Variants in TET1 observed in about 807,000 individuals in gnomAD.
TET1 encodes methylcytosine dioxygenase TET1.
Under a neutral mutation model 148.7 loss-of-function variants are expected in TET1, and 13 were observed. That is an observed-to-expected ratio of 0.09 (90% CI 0.06 to 0.14). The LOEUF (loss-of-function observed/expected upper bound fraction) is 0.14, where lower values mean the gene tolerates loss of function less well. Among genes scored for constraint, TET1 ranks in the 10% least tolerant of loss-of-function variants. The pLI is 1.00. For synonymous variants in TET1, 907 were observed against 937.2 expected (o/e 0.97, Z 0.59); for missense variants, 2,182 against 2,553.8 (o/e 0.85, Z 3.14).
At chr10:68,566,450 T>C (rs908174431) in intron 1 of TET1, among the ~76,000 whole-genome samples, 5 of 152,174 alleles carry the variant, frequency 3.3e-5, no homozygotes, top group African/African-American at 1.2e-4. Flanking sequence ...ATCTTTCAGT[T>C]TCTCACAGCC....
In TET1 at chr10:68,690,992, G is replaced by A; in HGVS notation, c.5589G>A (p.Lys1863=). Residue 1863 remains lysine, a synonymous_variant, in exon 12 of 12, where the codon AAG becomes AAA. Transcript: ENST00000373644. ...KTASATPAPL[K]NDATASCGFS... ...CTTCAGCCACACCAGCTCCACTGAAGAATGACGCAACAGCCTCATGCGGGT... is the reference window on the plus strand; with the variant it reads ...CTTCAGCCACACCAGCTCCACTGAAAAATGACGCAACAGCCTCATGCGGGT... 6.2e-7 allele frequency: 1 copy of A among 1,614,202 alleles called. No homozygotes were observed. The highest frequency in any genetic ancestry group is 2.2e-5 in the East Asian group (1 of 44,882).
chr10:68,597,179 G>T (rs2053999354), intron 2 of TET1, among the ~76,000 whole-genome samples: 1 of 151,628 alleles, frequency 6.6e-6, no homozygotes, highest in Non-Finnish European at 1.5e-5. Flanking sequence ...GACTATAGGT[G>T]CATGCCACCA....
At chr10:68,659,865 C>G (rs747840293) in intron 6 of TET1, among the ~76,000 whole-genome samples, 11 of 152,130 alleles carry the variant, frequency 7.2e-5, no homozygotes, top group Non-Finnish European at 1.5e-4. Context: ...AACTTCAGAA[C>G]CCCGTTGTGT....
Position 68,686,693 on chromosome 10 carries a change from C to T in TET1, c.5390C>T (p.Ser1797Leu). The T allele has an allele frequency of 1.2e-6, 2 of 1,612,842 alleles. No homozygotes were observed. The highest frequency in any genetic ancestry group is 8.5e-7 in the Non-Finnish European group (1 of 1,179,262). Residue 1797 changes from serine to leucine, a missense_variant, in exon 11 of 12, where the codon TCA becomes TTA. Around this residue, in one of 11 missense-constraint regions of TET1, gnomAD observed 380 missense variants for 387.9 expected, o/e 0.98. Coordinates refer to ENST00000373644, the MANE Select transcript of TET1 (RefSeq NM_030625.3). ...STTTNNSKPS[S>L]LPTLGSNTET... ...ACAACAAACAACAGTAAGCCTTCGT[C>T]ACTGCCAACCTTAGGTGAGCCCTAT...
chr10:68,645,996 G>A lies in TET1; in HGVS notation c.3267G>A (p.Lys1089=), dbSNP rs370462813. The A allele has an allele frequency of 6.8e-6, 11 of 1,613,870 alleles. No homozygotes were observed. The East Asian group carries it at 2.2e-4, about 33-fold the overall frequency. ...TQLTQLASII[K]INYIKPEDKK... Reference sequence around the variant, plus strand: ...TGACACAACTTGCTTCGATAATTAAGATCAATTATATAAAACCAGAGGACA... The same window carrying A: ...TGACACAACTTGCTTCGATAATTAAAATCAATTATATAAAACCAGAGGACA... The change falls in exon 4 of 12, where the codon AAG becomes AAA. Residue 1089 remains lysine (K), a synonymous_variant. Transcript: ENST00000373644.
intron 3 of TET1, among the ~76,000 whole-genome samples, chr10:68,639,989 GC>G (rs1344996707): frequency 6.8e-6 from 1 of 146,838 alleles, no homozygotes; most frequent in Non-Finnish European, 1.5e-5. Context: ...GTGGAGTGGT[GC>G]TATCTCGGCT....
At chr10:68,684,436 AC>A (rs903331966) in intron 10 of TET1, among the ~76,000 whole-genome samples, 10 of 149,920 alleles carry the variant, frequency 6.7e-5, no homozygotes, top group African/African-American at 2.5e-4. Context: ...AGTCTTTGAG[AC>A]CAATGTTATT....
Position 68,573,665 on chromosome 10 carries a change from T to C in TET1, c.1327T>C (p.Phe443Leu), listed in dbSNP as rs759596302. The C allele has an allele frequency of 3.7e-6, 6 of 1,614,070 alleles. No homozygotes were observed. In the East Asian group the frequency reaches 1.1e-4, roughly 30 times the overall value. The change falls in exon 2 of 12, where the codon TTT becomes CTT. Residue 443 changes from phenylalanine to leucine, a missense_variant. By Grantham distance (22) the Phe-to-Leu change is conservative (BLOSUM62 0). This residue lies in a region of TET1 where 665 missense variants were observed against 672.4 expected (regional missense o/e 0.99). Coordinates refer to ENST00000373644, the MANE Select transcript of TET1 (RefSeq NM_030625.3). ...TGTTCCTCCAAATCCAATTGCTACCTTTAATGCTCCTTCCAAATGGCCTGA... is the reference window on the plus strand; with the variant it reads ...TGTTCCTCCAAATCCAATTGCTACCCTTAATGCTCCTTCCAAATGGCCTGA... ...LPVPPNPIAT[F>L]NAPSKWPEPQ...
chr10:68,655,646 G>A (rs2055010561), intron 6 of TET1, among the ~76,000 whole-genome samples: 2 of 152,162 alleles, frequency 1.3e-5, no homozygotes, highest in Admixed American at 1.3e-4. Context: ...GAATTGTAGT[G>A]TATAGTTTTT....
intron 2 of TET1, among the ~76,000 whole-genome samples, chr10:68,596,027 C>CATATAT (rs1554932889): frequency 0.012 from 770 of 61,670 alleles, 27 homozygotes; most frequent in South Asian, 0.065. Flanking sequence ...CACACACACA[C>CATATAT]ATATATATAT....
chr10:68,564,859 A>G (rs535195476), intron 1 of TET1, among the ~76,000 whole-genome samples: 55 of 152,220 alleles, frequency 3.6e-4, no homozygotes, highest in Non-Finnish European at 5.0e-4. Context: ...CATCTCTACA[A>G]AAAATAAAAA....
chr10:68,595,042 A>G lies in TET1; in HGVS notation c.1915-5939A>G, dbSNP rs1241074427. Among the ~76,000 whole-genome samples the G allele has an allele frequency of 2.6e-5, 4 of 150,978 alleles. No individual in the cohort carries two copies. The East Asian group carries it at 7.8e-4, about 29-fold the overall frequency. The stretch of plus-strand genomic sequence containing the variant: ...TAGCTTGTTGTGGTAGCACATGCCT[A>G]TTTGGGACACTGACATGGGAGGATC... On this transcript the variant is annotated intron_variant, in intron 2 of 11. Coordinates refer to ENST00000373644, the MANE Select transcript of TET1 (RefSeq NM_030625.3).
rs1195451893 is a variant in TET1, at chr10:68,573,403, A to G, written c.1065A>G (p.Gln355=). The G allele has an allele frequency of 3.1e-6, 5 of 1,613,988 alleles. No homozygotes were observed. The highest frequency in any genetic ancestry group is 1.7e-5 in the Admixed American group (1 of 59,990). The change falls in exon 2 of 12, where the codon CAA becomes CAG. Residue 355 remains glutamine, a synonymous_variant. Coordinates refer to ENST00000373644, the MANE Select transcript of TET1 (RefSeq NM_030625.3). ...HQEAFEATAN[Q]QEVSDTTSFL... ...AGGCCTTCGAAGCTACTGCAAATCA[A>G]CAGGAAGTTTCTGATACCACCTCTT...
intron 2 of TET1, 115 bp downstream of exon 2, chr10:68,574,367 TA>T: frequency 1.3e-6 from 1 of 792,042 alleles, no homozygotes; most frequent in Admixed American, 3.0e-5. Context: ...GCTTCACTAT[TA>T]CATATTTTTA....
chr10:68,574,955 G>T (rs1234297558), intron 2 of TET1, among the ~76,000 whole-genome samples: 1 of 152,158 alleles, frequency 6.6e-6, no homozygotes, highest in Non-Finnish European at 1.5e-5. Flanking sequence ...AGGGAGCTTG[G>T]TTAAAACCCA....
chr10:68,622,164 CCCTTCCTT>C (rs1198639936), intron 3 of TET1, among the ~76,000 whole-genome samples: 27,907 of 123,640 alleles, frequency 0.23, 4,022 homozygotes, highest in Middle Eastern at 0.33. Flanking sequence ...GATACCTATG[CCCTTCCTT>C]CCTTCCTTCC....
Position 68,573,537 on chromosome 10 carries a change from G to A in TET1, c.1199G>A (p.Gly400Asp). Reference sequence around the variant, plus strand: ...ACCCCAGATCTACCAGAGATTCCTGGTGCTATTCCAGTCCAAGGAGAGGTC... The same window carrying A: ...ACCCCAGATCTACCAGAGATTCCTGATGCTATTCCAGTCCAAGGAGAGGTC... The part of the protein sequence containing the change: ...GETPDLPEIP[G>D]AIPVQGEVFG... The change falls in exon 2 of 12, where the codon GGT becomes GAT. Residue 400 changes from glycine (G) to aspartate (D), a missense_variant. Around this residue, in one of 11 missense-constraint regions of TET1, gnomAD observed 665 missense variants for 672.4 expected, o/e 0.99. Coordinates refer to ENST00000373644, the MANE Select transcript of TET1 (RefSeq NM_030625.3). 4.3e-6 allele frequency: 7 copies of A among 1,614,166 alleles called. No homozygotes were observed. Among genetic ancestry groups the A allele is most frequent in the Non-Finnish European group, 5.1e-6 (6 of 1,180,026 alleles).
chr10:68,575,735 A>AAATAAATC (rs1564949991), intron 2 of TET1, among the ~76,000 whole-genome samples: 6 of 150,142 alleles, frequency 4.0e-5, no homozygotes, highest in African/African-American at 1.5e-4. Flanking sequence ...ATAAATAAAT[A>AAATAAATC]AATAGGCCGG....
chr10:68,671,484 A>G (rs1031193081), intron 7 of TET1, among the ~76,000 whole-genome samples: 20 of 152,296 alleles, frequency 1.3e-4, no homozygotes, highest in South Asian at 6.2e-4. Flanking sequence ...TGTCTTTGGT[A>G]TTGTGAATAG....
Sources: allele counts gnomAD v4.1 joint callset (sites outside exome capture counted in the v4.1 genomes callset), GRCh38; gene constraint gnomAD v4.1.1; regional missense constraint gnomAD v4.1.1; transcripts MANE v1.5; gene names NCBI Gene and HGNC (gene_info 2026-07-23, HGNC 2026-07-21).